Variants in RHBDF1 observed in about 807,000 individuals in gnomAD.
RHBDF1 encodes inactive rhomboid protein 1.
A neutral mutation model predicts 98.6 loss-of-function variants in RHBDF1; 80 were observed. That is an observed-to-expected ratio of 0.81 (90% CI 0.68 to 0.98). The LOEUF (loss-of-function observed/expected upper bound fraction) is 0.98. Ranked by LOEUF, RHBDF1 falls within the 50% of genes least tolerant of loss-of-function variation. The pLI is 0.00. For synonymous variants in RHBDF1, 512 were observed against 486.8 expected, an observed-to-expected ratio of 1.05 and a Z score of -0.68; for missense variants, 1,116 against 1,198.3, an observed-to-expected ratio of 0.93 and a Z score of 1.01.
Position 62,032 on chromosome 16 carries a change from C to T in RHBDF1, c.974G>A (p.Arg325Gln), listed in dbSNP as rs1477712060. The change falls in exon 8 of 18, where the codon CGG (arginine) becomes CAG (glutamine). Residue 325 changes from arginine (R) to glutamine (Q), a missense_variant. Transcript: ENST00000262316. ...GGCTGCGGCGCCCTCCTTCTGCTTC[C>T]GCCAGCCTCGCTCCAAGGGCCTGGA... ...HLMLPLERGW[R>Q]KQKEGAAAPQ... 3 of 1,502,892 alleles carry T rather than the reference C, an allele frequency of 2.0e-6. No homozygotes were observed. The highest frequency in any genetic ancestry group is 1.4e-5 in the African/African-American group (1 of 72,446). The allele number at this position is 1,502,892 out of a possible 1,614,324, so 93.1% of individuals were successfully genotyped here. A position where few individuals can be genotyped will look rare whatever the true frequency, so the allele number is the denominator to read the frequency against.
chr16:65,370 C>G (rs1433404500), intron 1 of RHBDF1, among the ~76,000 whole-genome samples: 1 of 152,262 alleles, frequency 6.6e-6, no homozygotes, highest in Non-Finnish European at 1.5e-5. Context: ...CTGGAGCTTA[C>G]AGTCTAGACA....
At position 62,554 on chromosome 16, in the gene RHBDF1, G is replaced by T. The variant is rs766428025; in HGVS notation, c.937C>A (p.Arg313Ser). The T allele has an allele frequency of 6.2e-7, 1 of 1,612,868 alleles. No homozygotes were observed. The highest frequency in any genetic ancestry group is 1.3e-5 in the African/African-American group (1 of 75,060). ...GGALDRSELERSHLMLPLERG... is the reference protein window; with the variant it reads ...GGALDRSELESSHLMLPLERG... ...CGCACTCACAGCATCAGGTGGCTGCGCTCAAGCTCGCTGCGGTCCAGGGCC... is the reference window on the plus strand; with the variant it reads ...CGCACTCACAGCATCAGGTGGCTGCTCTCAAGCTCGCTGCGGTCCAGGGCC... Residue 313 changes from arginine (R) to serine (S), a missense_variant, in exon 7 of 18, where the codon CGC (arginine) becomes AGC (serine). Arg to Ser is a moderately radical substitution (Grantham distance 110). Coordinates refer to ENST00000262316, the MANE Select transcript of RHBDF1 (RefSeq NM_022450.5).
At chr16:63,248 A>G in intron 4 of RHBDF1, 66 bp from the exon 5 acceptor site, 1 of 1,362,350 alleles carries the variant, frequency 7.3e-7, no homozygotes, top group Non-Finnish European at 1.0e-6. Context: ...AGAGGCACAG[A>G]GGCCTTGCAA....
rs774771105 is a variant in RHBDF1 at position 64,435 on chromosome 16, C to T, written c.248+264G>A. 1.4e-4 allele frequency: 206 copies of T among 1,458,860 alleles called. 1 individual carries two copies. In the African/African-American group the frequency reaches 1.4e-3, roughly 10 times the overall value. 90.4% of individuals were successfully genotyped at this position (1,458,860 alleles called of 1,614,324 possible). On this transcript the variant is annotated intron_variant, in intron 3 of 17. Coordinates refer to ENST00000262316, the MANE Select transcript of RHBDF1 (RefSeq NM_022450.5). ...GTGGACACGCCCGAAGCGTACTTGT[C>T]GGCTGCTAAGAGGCAAGAGCATCCG... is the stretch of plus-strand genomic sequence containing the variant.
rs767273435 is a variant in RHBDF1, at chr16:59,452, G to A, written c.1860C>T (p.Gly620=). ...TSREYCDFMR[G]YFHEEATLCS... ...AGAGCGTGGCCTCCTCATGGAAGTA[G>A]CCCCTCATGAAGTCACAGTACTCCC... is the stretch of plus-strand genomic sequence containing the variant. Residue 620 remains glycine, a synonymous_variant, in exon 15 of 18, where the codon GGC becomes GGT. Coordinates refer to ENST00000262316, the MANE Select transcript of RHBDF1 (RefSeq NM_022450.5). 4.3e-6 allele frequency: 7 copies of A among 1,613,814 alleles called. No homozygotes were observed. The highest frequency in any genetic ancestry group is 3.3e-5 in the Admixed American group (2 of 60,018).
At position 61,996 on chromosome 16, in the gene RHBDF1, T is replaced by C. The variant is rs1275609024; in HGVS notation, c.1010A>G (p.Lys337Arg). Reference protein sequence around the residue: ...QKEGAAAPQPKVRLRQEVVST... With the variant: ...QKEGAAAPQPRVRLRQEVVST... ...CACCACCTCCTGTCGGAGCCGCACC[T>C]TGGGCTGCGGGGCTGCGGCGCCCTC... The change falls in exon 8 of 18, where the codon AAG (lysine) becomes AGG (arginine). Residue 337 changes from lysine (K) to arginine (R), a missense_variant. Transcript: ENST00000262316. 5 of 1,569,092 alleles carry C rather than the reference T, an allele frequency of 3.2e-6. No individual in the cohort carries two copies. Among genetic ancestry groups the C allele is most frequent in the East Asian group, 4.7e-5 (2 of 42,836 alleles).
At chr16:67,075 G>A (rs1897848799) in intron 1 of RHBDF1, among the ~76,000 whole-genome samples, 2 of 152,124 alleles carry the variant, frequency 1.3e-5, no homozygotes, top group African/African-American at 4.8e-5. Context: ...CCCTCCACAG[G>A]GTATATGGAC....
intron 1 of RHBDF1, among the ~76,000 whole-genome samples, 161 bp downstream of exon 1, chr16:72,352 C>T (rs368688757): frequency 0.042 from 6,400 of 151,750 alleles, 181 homozygotes; most frequent in South Asian, 0.065. Context: ...CCGGGGGGGC[C>T]TCGCCGCGAC....
At chr16:64,435 C>G (rs774771105) in intron 3 of RHBDF1, 2 of 1,458,860 alleles carry the variant, frequency 1.4e-6, no homozygotes, top group East Asian at 3.1e-5. Context: ...GCGTACTTGT[C>G]GGCTGCTAAG....
chr16:59,573 A>G, intron 14 of RHBDF1, 79 bp from the exon 15 acceptor site: 2 of 1,502,128 alleles, frequency 1.3e-6, no homozygotes, highest in Non-Finnish European at 1.8e-6. Flanking sequence ...TTTCAGCCGC[A>G]CCTACCCACC....
At position 59,123 on chromosome 16, in the gene RHBDF1, A is replaced by G. The variant is rs1897500163; in HGVS notation, c.1999T>C (p.Leu667=). 6.2e-7 allele frequency: 1 copy of G among 1,613,028 alleles called. No individual in the cohort carries two copies. The highest frequency in any genetic ancestry group is 1.7e-4 in the Middle Eastern group (1 of 6,058). ...WLSLFLHAGI[L]HCLVSICFQM... ...AAGCAGATGGACACCAGGCAGTGCA[A>G]GATCCTGTAGTCAGTAGCAGGCGGG... The change falls in exon 17 of 18, where the codon TTG becomes CTG. Residue 667 remains leucine (L), a synonymous_variant. Coordinates refer to ENST00000262316, the MANE Select transcript of RHBDF1 (RefSeq NM_022450.5).
intron 4 of RHBDF1, 30 bp downstream of exon 4, chr16:63,557 C>T (rs780296205): frequency 6.6e-7 from 1 of 1,504,752 alleles, no homozygotes; most frequent in African/African-American, 1.4e-5. Flanking sequence ...GAAGGAGGGG[C>T]CTGCAGGAGG....
At position 61,799 on chromosome 16, in the gene RHBDF1, T is replaced by G; in HGVS notation, c.1207A>C (p.Arg403=). 6.2e-7 allele frequency: 1 copy of G among 1,609,176 alleles called. No homozygotes were observed. Among genetic ancestry groups the G allele is most frequent in the Non-Finnish European group, 8.5e-7 (1 of 1,177,398 alleles). ...KRQIEDMDDH[R]PFFTYWLTFV... is the part of the protein sequence containing the mutation. ...CCAGGCCTTGCCTGCCACGCCTACCTGTGGTCGTCCATGTCCTCGATCTGG... is the reference window on the plus strand; with the variant it reads ...CCAGGCCTTGCCTGCCACGCCTACCGGTGGTCGTCCATGTCCTCGATCTGG... The change falls in exon 8 of 18, where the codon AGG becomes CGG. Residue 403 remains arginine, a splice_region_variant and synonymous_variant. Coordinates refer to ENST00000262316, the MANE Select transcript of RHBDF1 (RefSeq NM_022450.5).
intron 12 of RHBDF1, 52 bp downstream of exon 12, chr16:60,387 C>A (rs1897564689): frequency 6.3e-7 from 1 of 1,598,528 alleles, no homozygotes; most frequent in African/African-American, 1.3e-5. Context: ...CACCACAGCC[C>A]CCGGGGAAGG....
intron 1 of RHBDF1, among the ~76,000 whole-genome samples, chr16:65,557 G>A (rs895100876): frequency 5.9e-5 from 9 of 151,988 alleles, no homozygotes; most frequent in Non-Finnish European, 8.8e-5. Flanking sequence ...TCCACACACA[G>A]GGGACAGCCG....
In RHBDF1 at chr16:60,514, C is replaced by G. The variant is rs1336469311; in HGVS notation, c.1583G>C (p.Trp528Ser). The G allele has an allele frequency of 1.9e-5, 31 of 1,609,940 alleles. No individual in the cohort carries two copies. The highest frequency in any genetic ancestry group is 2.6e-5 in the Non-Finnish European group (31 of 1,179,970). ...CTCTGGGGCGCTGGGATGGATGGGCCACTTCACCCACACTGCCAGCGTGGA... is the reference window on the plus strand; with the variant it reads ...CTCTGGGGCGCTGGGATGGATGGGCGACTTCACCCACACTGCCAGCGTGGA... ...CSSTLAVWVK[W>S]PIHPSAPELA... Residue 528 changes from tryptophan to serine, a missense_variant, in exon 12 of 18, where the codon TGG becomes TCG. By Grantham distance (177) the Trp-to-Ser change is radical. Coordinates refer to ENST00000262316, the MANE Select transcript of RHBDF1 (RefSeq NM_022450.5).
chr16:60,989 A>T (rs1007098249), intron 11 of RHBDF1, 131 bp downstream of exon 11: 2 of 958,986 alleles, frequency 2.1e-6, no homozygotes, highest in African/African-American at 3.3e-5. Flanking sequence ...TGAATATGAC[A>T]AGGCCTTGCG....
chr16:68,293 T>C (rs1373804177), intron 1 of RHBDF1, among the ~76,000 whole-genome samples: 1 of 152,200 alleles, frequency 6.6e-6, no homozygotes, highest in African/African-American at 2.4e-5. Flanking sequence ...TAGATCCCCA[T>C]CTGGGCCTCA....
At chr16:62,506 C>G in intron 7 of RHBDF1, 32 bp downstream of exon 7, 6 of 1,606,218 alleles carry the variant, frequency 3.7e-6, no homozygotes, top group Non-Finnish European at 5.1e-6. Flanking sequence ...CGGGGTCTCT[C>G]TCTGCCCCTC....
Sources: allele counts gnomAD v4.1 joint callset (sites outside exome capture counted in the v4.1 genomes callset), GRCh38; gene constraint gnomAD v4.1.1; transcripts MANE v1.5; gene names NCBI Gene and HGNC (gene_info 2026-07-23, HGNC 2026-07-21).